The following TTLL11 variants were observed in gnomAD, a reference collection of about 807,000 sequenced individuals.
The protein encoded by TTLL11 is tubulin polyglutamylase TTLL11.
TTLL11 carries 42 observed loss-of-function variants against 51.7 expected under a neutral mutation model. That is an observed-to-expected ratio of 0.81 (90% CI 0.64 to 1.05). The LOEUF is 1.05. Ranked by LOEUF, TTLL11 falls within the 50% of genes least tolerant of loss-of-function variation. The probability of loss-of-function intolerance (pLI) is 0.00; values close to 1 mark genes in which losing one functional copy is unlikely to be tolerated. For synonymous variants in TTLL11, 381 were observed against 383.5 expected (o/e 0.99, Z 0.08); for missense variants, 799 against 940.4 (o/e 0.85, Z 1.97).
intron 6 of TTLL11, among the ~76,000 whole-genome samples, chr9:121,921,710 T>A (rs1176805283): frequency 6.6e-6 from 1 of 152,118 alleles, no homozygotes; most frequent in African/African-American, 2.4e-5. Flanking sequence ...TGGGGATAGT[T>A]AGACAAAGAG....
chr9:121,884,336 G>A (rs924254928), intron 6 of TTLL11, among the ~76,000 whole-genome samples: 1 of 152,096 alleles, frequency 6.6e-6, no homozygotes, highest in Non-Finnish European at 1.5e-5. Flanking sequence ...GAATGTGGTG[G>A]GCATCCCAAC....
rs79828097 is a variant in TTLL11, at chr9:121,873,057, T to A, written c.1482-2309A>T. ...ATTAGCCCTTAAATTACTGGGTAAG[T>A]GGCAATCAATGACTTTATAAGCACT... is the stretch of plus-strand genomic sequence containing the variant. On this transcript the variant is annotated intron_variant, in intron 6 of 8. Coordinates refer to ENST00000321582, the MANE Select transcript of TTLL11 (RefSeq NM_001139442.2). Among the ~76,000 whole-genome samples, 680 of 152,338 alleles carry A rather than the reference T, an allele frequency of 4.5e-3. 39 individuals are homozygous for A. The East Asian group carries it at 0.12, about 28-fold the overall frequency.
intron 6 of TTLL11, among the ~76,000 whole-genome samples, chr9:121,917,551 GAA>G (rs1224821581): frequency 0.01 from 1,238 of 118,558 alleles, 14 homozygotes; most frequent in African/African-American, 0.038. Context: ...GGAAGAAAAA[GAA>G]AAAGAAAGAA....
chr9:121,892,572 A>T (rs1203736854), intron 6 of TTLL11, among the ~76,000 whole-genome samples: 1 of 152,144 alleles, frequency 6.6e-6, no homozygotes, highest in African/African-American at 2.4e-5. Flanking sequence ...AACACGTGGG[A>T]ATTATGGGAG....
chr9:121,976,650 A>G (rs1842720000), intron 4 of TTLL11, among the ~76,000 whole-genome samples: 1 of 152,218 alleles, frequency 6.6e-6, no homozygotes, highest in African/African-American at 2.4e-5. Context: ...AATGATAATT[A>G]TTAAACTGTA....
rs192235504 is a variant in TTLL11, at chr9:121,914,086, G to A, written c.1482-43338C>T. Reference sequence around the variant, plus strand: ...TCAGGTGACACAGCTCGGAAGCTAGGATTTGATCCTAAGACAGCCTGCTCT... The same window carrying A: ...TCAGGTGACACAGCTCGGAAGCTAGAATTTGATCCTAAGACAGCCTGCTCT... On this transcript the variant is annotated intron_variant, in intron 6 of 8. Transcript: ENST00000321582. 1.0e-3 allele frequency among the ~76,000 whole-genome samples: 152 copies of A among 152,310 alleles called. 2 individuals carry two copies. The highest frequency in any genetic ancestry group is 9.1e-3 in the South Asian group (44 of 4,818).
chr9:121,835,278 C>T (rs1433731298), intron 8 of TTLL11, among the ~76,000 whole-genome samples: 1 of 152,162 alleles, frequency 6.6e-6, no homozygotes, highest in Non-Finnish European at 1.5e-5. Context: ...ACTGGGCTGC[C>T]AATACTCACA....
chr9:121,896,165 C>T (rs971877239), intron 6 of TTLL11, among the ~76,000 whole-genome samples: 1 of 152,040 alleles, frequency 6.6e-6, no homozygotes, highest in Non-Finnish European at 1.5e-5. Context: ...ACTGAGTAAG[C>T]AGGAGCCGTT....
chr9:121,902,577 A>C (rs1165198129), intron 6 of TTLL11, among the ~76,000 whole-genome samples: 1 of 151,080 alleles, frequency 6.6e-6, no homozygotes, highest in Non-Finnish European at 1.5e-5. Context: ...TTTAGCCTGG[A>C]GTTTCTACCG....
chr9:121,869,382 A>C (rs1201859095), intron 7 of TTLL11, among the ~76,000 whole-genome samples: 1 of 152,240 alleles, frequency 6.6e-6, no homozygotes, highest in Non-Finnish European at 1.5e-5. Context: ...TTTGAGGTGC[A>C]AGACAAAAAT....
At chr9:121,916,321 TAC>T (rs2131512587) in intron 6 of TTLL11, among the ~76,000 whole-genome samples, 1 of 152,334 alleles carries the variant, frequency 6.6e-6, no homozygotes, top group African/African-American at 2.4e-5. Flanking sequence ...TGTCTCTCTT[TAC>T]AGGTTTCAGT....
chr9:122,044,386 G>T (rs1388801840), intron 1 of TTLL11, among the ~76,000 whole-genome samples: 1 of 152,118 alleles, frequency 6.6e-6, no homozygotes, highest in African/African-American at 2.4e-5. Flanking sequence ...TAATGGGATG[G>T]CTGGGTCAAA....
intron 6 of TTLL11, among the ~76,000 whole-genome samples, chr9:121,934,728 G>A (rs192221269): frequency 1.3e-5 from 2 of 152,226 alleles, no homozygotes; most frequent in Admixed American, 6.5e-5. Flanking sequence ...GCCTTACTGC[G>A]CTTCGGTGGG....
At position 121,989,019 on chromosome 9, in the gene TTLL11, G is replaced by A. The variant is rs1843013726; in HGVS notation, c.1269+176C>T. 5 of 1,473,834 alleles carry A rather than the reference G, an allele frequency of 3.4e-6. No individual in the cohort carries two copies. The highest frequency in any genetic ancestry group is 4.5e-6 in the Non-Finnish European group (5 of 1,106,748). 91.3% of individuals were successfully genotyped at this position (1,473,834 alleles called of 1,614,324 possible). A position where few individuals can be genotyped will look rare whatever the true frequency, so the allele number is the denominator to read the frequency against. ...AGTAGCTTGCCCCAAATCACACAGGGAGCAAACAGAAAGCTTGGAAGTTGG... is the reference window on the plus strand; with the variant it reads ...AGTAGCTTGCCCCAAATCACACAGGAAGCAAACAGAAAGCTTGGAAGTTGG... On this transcript the variant is annotated intron_variant, in intron 4 of 8. Transcript: ENST00000321582. The surrounding 1 kb of genome is among the most constrained non-coding windows in gnomAD (Gnocchi z 4.2).
At chr9:122,021,087 C>T (rs1844163876) in intron 3 of TTLL11, among the ~76,000 whole-genome samples, 1 of 146,598 alleles carries the variant, frequency 6.8e-6, no homozygotes, top group South Asian at 2.1e-4. Context: ...CCGCATCGCT[C>T]GAGCAACCAA....
At chr9:121,878,233 A>T (rs1012483879) in intron 6 of TTLL11, among the ~76,000 whole-genome samples, 1 of 152,146 alleles carries the variant, frequency 6.6e-6, no homozygotes, top group Non-Finnish European at 1.5e-5. Flanking sequence ...AAACGGCCAC[A>T]TTGTTTAGGA....
intron 6 of TTLL11, among the ~76,000 whole-genome samples, chr9:121,909,188 G>A (rs745571940): frequency 2.8e-4 from 42 of 152,168 alleles, no homozygotes; most frequent in Non-Finnish European, 4.6e-4. Flanking sequence ...TGAGTGTTGG[G>A]AGCCAAAAGC....
chr9:122,092,148 A>G (rs1238459520), intron 1 of TTLL11, among the ~76,000 whole-genome samples: 3 of 152,162 alleles, frequency 2.0e-5, no homozygotes, highest in African/African-American at 7.2e-5. Flanking sequence ...TGAGATAAGT[A>G]TAATTGGCCT....
intron 6 of TTLL11, among the ~76,000 whole-genome samples, chr9:121,952,389 T>C (rs1458165326): frequency 1.4e-5 from 2 of 144,972 alleles, no homozygotes; most frequent in Non-Finnish European, 3.0e-5. Flanking sequence ...GAGGTTGCAG[T>C]GAGCCGAGAT....
Sources: gnomAD v4.1 joint callset for allele counts (sites outside exome capture counted in the v4.1 genomes callset) on GRCh38, gnomAD v4.1.1 for gene constraint, Gnocchi (gnomAD v3.1) non-coding constraint, MANE v1.5 for transcripts, NCBI Gene and HGNC (gene_info 2026-07-23, HGNC 2026-07-21) for gene names.